TAFA1: variants seen among roughly 807,000 people sequenced by gnomAD.
TAFA1 encodes the protein chemokine-like protein TAFA-1.
Under a neutral mutation model 18.5 loss-of-function variants are expected in TAFA1, and 4 were observed. The observed-to-expected ratio is 0.22, with a 90% CI of 0.11 to 0.49. The LOEUF (loss-of-function observed/expected upper bound fraction) is 0.49, where lower values mean the gene tolerates loss of function less well. Ranked by LOEUF, TAFA1 falls within the 20% of genes least tolerant of loss-of-function variation. The pLI, the probability that TAFA1 is intolerant of heterozygous loss-of-function variation, is 0.98. For synonymous variants in TAFA1, 56 were observed against 55.2 expected, an observed-to-expected ratio of 1.01 and a Z score of -0.06; for missense variants, 147 against 169.0, an observed-to-expected ratio of 0.87 and a Z score of 0.72.
intron 2 of TAFA1, among the ~76,000 whole-genome samples, chr3:68,058,415 T>C (rs1057430272): frequency 3.3e-5 from 5 of 152,300 alleles, no homozygotes; most frequent in South Asian, 2.1e-4. Flanking sequence ...ATGATCTCAG[T>C]TTATAAGGTG....
chr3:68,472,703 A>T (rs2106951771), intron 3 of TAFA1, among the ~76,000 whole-genome samples: 1 of 152,264 alleles, frequency 6.6e-6, no homozygotes, highest in Non-Finnish European at 1.5e-5. Context: ...ATTTTTTACA[A>T]TTGCATGTAA....
chr3:68,216,109 C>T (rs575178724), intron 2 of TAFA1, among the ~76,000 whole-genome samples: 2 of 152,052 alleles, frequency 1.3e-5, no homozygotes, highest in Admixed American at 6.6e-5. Flanking sequence ...CTGGAAAAGG[C>T]AAAACTTCAG....
rs868320514 is a variant in TAFA1 at position 68,370,498 on chromosome 3, A to G, written c.119-46782A>G. ...TATATATATATATATATATATATATATATATATATATATATATACCCACAT... is the reference window on the plus strand; with the variant it reads ...TATATATATATATATATATATATATGTATATATATATATATATACCCACAT... On this transcript the variant is annotated intron_variant, in intron 2 of 4. Transcript: ENST00000478136. Among the ~76,000 whole-genome samples the G allele has an allele frequency of 8.7e-4, 56 of 64,032 alleles. 1 individual carries two copies. Among genetic ancestry groups the G allele is most frequent in the East Asian group, 3.1e-3 (7 of 2,244 alleles). 42.0% of individuals were successfully genotyped at this position (64,032 alleles called of 152,430 possible). A position where few individuals can be genotyped will look rare whatever the true frequency, so the allele number is the denominator to read the frequency against.
At chr3:68,311,482 G>A (rs991337830) in intron 2 of TAFA1, among the ~76,000 whole-genome samples, 7 of 152,156 alleles carry the variant, frequency 4.6e-5, no homozygotes, top group African/African-American at 1.7e-4. Context: ...GGGGGTACAG[G>A]CATTGGATAA....
chr3:68,495,881 G>A (rs1032142723), intron 3 of TAFA1, among the ~76,000 whole-genome samples: 1 of 151,732 alleles, frequency 6.6e-6, no homozygotes, highest in African/African-American at 2.4e-5. Context: ...AAAAGGAAAA[G>A]TGATCTGTGC....
chr3:68,159,380 G>T (rs936523368), intron 2 of TAFA1, among the ~76,000 whole-genome samples: 1 of 152,134 alleles, frequency 6.6e-6, no homozygotes, highest in African/African-American at 2.4e-5. Flanking sequence ...GTTCTTCGTG[G>T]TATTAACGGG....
At chr3:68,464,828 T>C (rs1413899959) in intron 3 of TAFA1, among the ~76,000 whole-genome samples, 1 of 152,168 alleles carries the variant, frequency 6.6e-6, no homozygotes, top group Non-Finnish European at 1.5e-5. Context: ...TGTAGTTCCA[T>C]ATGTTTAGAA....
intron 3 of TAFA1, among the ~76,000 whole-genome samples, chr3:68,447,324 G>A (rs1409730821): frequency 2.0e-5 from 3 of 152,246 alleles, no homozygotes; most frequent in African/African-American, 4.8e-5. Flanking sequence ...CTAGAACCAG[G>A]ATTGACTGGT....
intron 2 of TAFA1, among the ~76,000 whole-genome samples, chr3:68,324,069 C>A (rs143624795): frequency 2.2e-4 from 34 of 152,242 alleles, no homozygotes; most frequent in African/African-American, 7.0e-4. Context: ...TATATGCTTT[C>A]GATTTTCCAA....
intron 3 of TAFA1, among the ~76,000 whole-genome samples, chr3:68,533,537 G>C (rs370074388): frequency 1.3e-5 from 2 of 152,274 alleles, no homozygotes; most frequent in East Asian, 3.9e-4. Flanking sequence ...TCTACATGTT[G>C]CATGTGAAAG....
intron 2 of TAFA1, among the ~76,000 whole-genome samples, chr3:68,278,182 T>C (rs994174623): frequency 6.6e-6 from 1 of 152,114 alleles, no homozygotes; most frequent in Non-Finnish European, 1.5e-5. Flanking sequence ...GTGAGTTTCT[T>C]TCTCTCTTCA....
intron 2 of TAFA1, among the ~76,000 whole-genome samples, chr3:68,271,832 TCTCTCACA>T (rs1559592391): frequency 6.9e-6 from 1 of 144,548 alleles, no homozygotes; most frequent in African/African-American, 2.7e-5. Context: ...TCTCTCTCTC[TCTCTCACA>T]CACACACACA....
In TAFA1 at chr3:68,070,201, T is replaced by A. The variant is rs115894066; in HGVS notation, c.118+63457T>A. 2.8e-3 allele frequency among the ~76,000 whole-genome samples: 422 copies of A among 152,326 alleles called. 3 individuals are homozygous for A. The highest frequency in any genetic ancestry group is 9.7e-3 in the African/African-American group (404 of 41,576). On this transcript the variant is annotated intron_variant, in intron 2 of 4. Transcript: ENST00000478136. ...AAACTTCTGCCTGAACATCCAGGCA[T>A]TTCTATACATCTTCTGAAATCTAGA...
chr3:68,059,942 G>T (rs1221625294), intron 2 of TAFA1, among the ~76,000 whole-genome samples: 1 of 152,032 alleles, frequency 6.6e-6, no homozygotes, highest in East Asian at 1.9e-4. Context: ...CCGCAGGCTT[G>T]TTCCTGGCCT....
At position 68,360,390 on chromosome 3, in the gene TAFA1, A is replaced by G. The variant is rs2069447497; in HGVS notation, c.119-56890A>G. 2.0e-5 allele frequency among the ~76,000 whole-genome samples: 3 copies of G among 152,106 alleles called. No homozygotes were observed. The South Asian group carries it at 6.2e-4, about 32-fold the overall frequency. ...ACAGCCATAATATAACATGTTATAC[A>G]TTGTGGTATTCCAGTACATATGTTG... is the stretch of plus-strand genomic sequence containing the variant. On this transcript the variant is annotated intron_variant, in intron 2 of 4. Transcript: ENST00000478136.
intron 2 of TAFA1, among the ~76,000 whole-genome samples, chr3:68,053,239 G>T (rs1465973898): frequency 6.6e-6 from 1 of 152,078 alleles, no homozygotes; most frequent in African/African-American, 2.4e-5. Context: ...TAGTGTGTTG[G>T]GAAACAGAGT....
intron 3 of TAFA1, among the ~76,000 whole-genome samples, chr3:68,441,008 A>G (rs550999788): frequency 7.9e-5 from 12 of 152,164 alleles, no homozygotes; most frequent in Admixed American, 4.6e-4. Context: ...ACCTCAGTAA[A>G]ATTTCTAGGG....
intron 2 of TAFA1, among the ~76,000 whole-genome samples, chr3:68,106,632 C>T (rs923749691): frequency 6.6e-6 from 1 of 152,058 alleles, no homozygotes; most frequent in African/African-American, 2.4e-5. Flanking sequence ...ATAAAATACA[C>T]TGTTAAGAAA....
intron 2 of TAFA1, among the ~76,000 whole-genome samples, chr3:68,309,661 TG>T (rs2068481824): frequency 6.6e-6 from 1 of 152,254 alleles, no homozygotes; most frequent in Non-Finnish European, 1.5e-5. Context: ...TTTAGGATTT[TG>T]TTGGCAGTGG....
Sources: allele counts gnomAD v4.1 joint callset (sites outside exome capture counted in the v4.1 genomes callset), GRCh38; gene constraint gnomAD v4.1.1; transcripts MANE v1.5; gene names NCBI Gene and HGNC (gene_info 2026-07-23, HGNC 2026-07-21).